Variants in ARHGAP32 observed in about 807,000 individuals in gnomAD.
ARHGAP32 encodes the protein Rho GTPase activating protein 32.
In ARHGAP32, 51 loss-of-function variants were observed where a neutral mutation model predicts 186.5. The observed-to-expected ratio is 0.27, with a 90% CI of 0.22 to 0.35. The LOEUF is 0.35. Ranked by LOEUF, ARHGAP32 falls within the 10% of genes least tolerant of loss-of-function variation. The probability of loss-of-function intolerance (pLI) is 1.00; values close to 1 mark genes in which losing one functional copy is unlikely to be tolerated. For synonymous variants in ARHGAP32, 950 were observed against 964.3 expected, an observed-to-expected ratio of 0.99 and a Z score of 0.27; for missense variants, 2,186 against 2,623.5, an observed-to-expected ratio of 0.83 and a Z score of 3.64.
chr11:129,161,112 T>C (rs1375051984), intron 2 of ARHGAP32, among the ~76,000 whole-genome samples: 2 of 151,902 alleles, frequency 1.3e-5, no homozygotes, highest in South Asian at 2.1e-4. Context: ...ATGCAGAAAA[T>C]TGAAACTGGA....
At chr11:128,985,858 GTATATATATA>G (rs1555063867) in intron 15 of ARHGAP32, 135 bp downstream of exon 15, 1 of 93,466 alleles carries the variant, frequency 1.1e-5, no homozygotes. Flanking sequence ...GTGTGTGTGT[GTATATATATA>G]TATATATATA....
At chr11:129,254,477 A>T (rs1468718398) in intron 1 of ARHGAP32, among the ~76,000 whole-genome samples, 1 of 152,116 alleles carries the variant, frequency 6.6e-6, no homozygotes, top group African/African-American at 2.4e-5. Context: ...TATTTTACAT[A>T]AAAACCTTAG....
At chr11:129,043,839 C>T (rs1319951051) in intron 10 of ARHGAP32, among the ~76,000 whole-genome samples, 1 of 152,082 alleles carries the variant, frequency 6.6e-6, no homozygotes, top group African/African-American at 2.4e-5. Flanking sequence ...CTTGGGTTTG[C>T]AAACTGTACT....
chr11:129,064,148 AAC>A, intron 8 of ARHGAP32, 124 bp from the exon 9 acceptor site: 1 of 916,980 alleles, frequency 1.1e-6, no homozygotes, highest in South Asian at 2.4e-5. Flanking sequence ...TAAAAAAAAA[AAC>A]TACCATTTAC....
At chr11:129,171,061 G>A (rs1441361181) in intron 1 of ARHGAP32, among the ~76,000 whole-genome samples, 2 of 152,140 alleles carry the variant, frequency 1.3e-5, no homozygotes, top group African/African-American at 4.8e-5. Context: ...TGTAAATGCT[G>A]GATATTAGAC....
intron 2 of ARHGAP32, among the ~76,000 whole-genome samples, chr11:129,146,593 T>C (rs191727409): frequency 6.6e-6 from 1 of 152,230 alleles, no homozygotes; most frequent in African/African-American, 2.4e-5. Context: ...AGAAAAACTA[T>C]AGCATTTTAT....
chr11:129,000,712 TACTC>T (rs1239464788), intron 11 of ARHGAP32, among the ~76,000 whole-genome samples: 1 of 152,140 alleles, frequency 6.6e-6, no homozygotes, highest in African/African-American at 2.4e-5. Context: ...TGCTAGGTCT[TACTC>T]ATTCTTTCTA....
rs1309418559 is a variant in ARHGAP32, at chr11:129,041,149, T to C, written c.964-140A>G. On this transcript the variant is annotated intron_variant, in intron 10 of 22. Transcript: ENST00000682385. Reference sequence around the variant, plus strand: ...TTCCAAGACTCTAAATAACAGATGATGCCAATTACACAAACAAATAATAAA... The same window carrying C: ...TTCCAAGACTCTAAATAACAGATGACGCCAATTACACAAACAAATAATAAA... 1.6e-5 allele frequency: 8 copies of C among 511,716 alleles called. No homozygotes were observed. In the East Asian group the frequency reaches 1.9e-4, roughly 12 times the overall value. The allele number at this position is 511,716 out of a possible 1,614,324, so 31.7% of individuals were successfully genotyped here.
intron 6 of ARHGAP32, among the ~76,000 whole-genome samples, chr11:129,067,921 T>G (rs76943580): frequency 6.6e-6 from 1 of 152,016 alleles, no homozygotes; most frequent in Admixed American, 6.6e-5. Context: ...CTCCACGACA[T>G]AGACAAAAAG....
At chr11:129,098,916 T>C (rs1031322954) in intron 5 of ARHGAP32, among the ~76,000 whole-genome samples, 1 of 152,184 alleles carries the variant, frequency 6.6e-6, no homozygotes, top group Non-Finnish European at 1.5e-5. Flanking sequence ...GTTATAACTT[T>C]AGAATGTTAA....
intron 10 of ARHGAP32, among the ~76,000 whole-genome samples, chr11:129,053,365 C>T (rs1444421216): frequency 1.3e-5 from 2 of 152,214 alleles, no homozygotes; most frequent in South Asian, 2.1e-4. Flanking sequence ...GGCTATACCA[C>T]GTACTTACTG....
At chr11:129,250,166 A>T (rs546644409) in intron 1 of ARHGAP32, among the ~76,000 whole-genome samples, 2 of 152,112 alleles carry the variant, frequency 1.3e-5, no homozygotes. Context: ...GCAATGAGCT[A>T]TGATCACACC....
At chr11:129,168,921 A>G (rs1457931810) in intron 1 of ARHGAP32, among the ~76,000 whole-genome samples, 6 of 152,194 alleles carry the variant, frequency 3.9e-5, no homozygotes, top group Non-Finnish European at 8.8e-5. Context: ...CATAAATCAA[A>G]CATAAAAATC....
At chr11:129,077,954 G>A (rs1941098737) in intron 6 of ARHGAP32, among the ~76,000 whole-genome samples, 1 of 152,138 alleles carries the variant, frequency 6.6e-6, no homozygotes, top group Non-Finnish European at 1.5e-5. Flanking sequence ...GTAACATCCT[G>A]GCTAACCACA....
At chr11:129,056,616 G>A (rs1286583950) in intron 10 of ARHGAP32, among the ~76,000 whole-genome samples, 1 of 152,064 alleles carries the variant, frequency 6.6e-6, no homozygotes, top group Non-Finnish European at 1.5e-5. Context: ...ATTAAGGAAG[G>A]ACCACTGCAC....
At position 129,123,316 on chromosome 11, in the gene ARHGAP32, A is replaced by G. The variant is rs896928421; in HGVS notation, c.444+130T>C. The G allele has an allele frequency of 8.6e-6, 6 of 701,348 alleles. No homozygotes were observed. The highest frequency in any genetic ancestry group is 3.1e-5 in the Admixed American group (1 of 32,406). 43.4% of individuals were successfully genotyped at this position (701,348 alleles called of 1,614,324 possible). On this transcript the variant is annotated intron_variant, in intron 5 of 22. Transcript: ENST00000682385. This position sits in a 1 kb window ranked among gnomAD's most constrained non-coding sequence, Gnocchi z 4.6. Reference sequence around the variant, plus strand: ...GAGAAGAAAGATTTTACCTCAACCAATAAGACATCAATTAAAAAAAAAACT... The same window carrying G: ...GAGAAGAAAGATTTTACCTCAACCAGTAAGACATCAATTAAAAAAAAAACT...
intron 1 of ARHGAP32, among the ~76,000 whole-genome samples, chr11:129,225,320 T>C (rs1257759362): frequency 6.6e-6 from 1 of 152,100 alleles, no homozygotes; most frequent in African/African-American, 2.4e-5. Flanking sequence ...CTCAGAACTG[T>C]GTACATGCTC....
chr11:129,075,939 G>A (rs760638346), intron 6 of ARHGAP32, among the ~76,000 whole-genome samples: 3 of 152,152 alleles, frequency 2.0e-5, no homozygotes, highest in Middle Eastern at 3.4e-3. Flanking sequence ...GAGACAGGTC[G>A]GTACAAAATA....
At chr11:129,055,534 C>G (rs1301461878) in intron 10 of ARHGAP32, among the ~76,000 whole-genome samples, 1 of 152,214 alleles carries the variant, frequency 6.6e-6, no homozygotes, top group Non-Finnish European at 1.5e-5. Flanking sequence ...AAAGCAACCA[C>G]AAGGTCCTTC....
Sources: allele counts gnomAD v4.1 joint callset (sites outside exome capture counted in the v4.1 genomes callset), GRCh38; gene constraint gnomAD v4.1.1; non-coding constraint Gnocchi (gnomAD v3.1); transcripts MANE v1.5; gene names NCBI Gene and HGNC (gene_info 2026-07-23, HGNC 2026-07-21).